Variants in DSG3 observed in about 807,000 individuals in gnomAD.
DSG3 encodes the protein desmoglein-3.
In DSG3, 63 loss-of-function variants were observed where a neutral mutation model predicts 85.9. The ratio of observed to expected loss-of-function variants is 0.73; its 90% confidence interval spans 0.60 to 0.90. The LOEUF (loss-of-function observed/expected upper bound fraction) is 0.90. Among genes scored for constraint, DSG3 ranks in the 40% least tolerant of loss-of-function variants. The probability of loss-of-function intolerance (pLI) is 0.00; values close to 1 mark genes in which losing one functional copy is unlikely to be tolerated. For missense variants in DSG3, 1,220 were observed against 1,219.9 expected (o/e 1.00, Z 0.00); for synonymous variants, 447 against 441.9 (o/e 1.01, Z -0.14).
intron 8 of DSG3, 56 bp from the exon 9 acceptor site, chr18:31,464,055 G>C (rs770304381): frequency 2.6e-6 from 4 of 1,521,494 alleles, no homozygotes; most frequent in Non-Finnish European, 3.6e-6. Flanking sequence ...ATCATCTACT[G>C]GGTTTGCGGG....
At chr18:31,459,812 T>C (rs777378955) in intron 5 of DSG3, 33 bp from the exon 6 acceptor site, 15 of 1,565,048 alleles carry the variant, frequency 9.6e-6, no homozygotes, top group Non-Finnish European at 1.3e-5. Context: ...AATTGTTACA[T>C]ATTCTTTAAT....
At chr18:31,460,100 T>A in intron 6 of DSG3, 89 bp downstream of exon 6, 1 of 1,399,176 alleles carries the variant, frequency 7.1e-7, no homozygotes, top group Non-Finnish European at 9.6e-7. Flanking sequence ...ACCCGAAAAT[T>A]AAAAAAGAAA....
At position 31,478,079 on chromosome 18, in the gene DSG3, G is replaced by C. The variant is rs1044393088; in HGVS notation, c.*1819G>C. ...GTCAGGTGCTAGAGCAGCTGGAGAAGTGCAGGCAGCCTGTGCTTCCACAGA... is the reference window on the plus strand; with the variant it reads ...GTCAGGTGCTAGAGCAGCTGGAGAACTGCAGGCAGCCTGTGCTTCCACAGA... On this transcript the variant is annotated 3_prime_UTR_variant, in exon 16 of 16. Coordinates refer to ENST00000257189, the MANE Select transcript of DSG3 (RefSeq NM_001944.3). The C allele has an allele frequency of 1.3e-5, 2 of 152,168 alleles. No homozygotes were observed. Among genetic ancestry groups the C allele is most frequent in the Admixed American group, 1.3e-4 (2 of 15,262 alleles). The allele number at this position is 152,168 out of a possible 1,614,324, so 9.4% of individuals were successfully genotyped here.
rs781367783 is a variant in DSG3 at position 31,457,006 on chromosome 18, A to G, written c.98A>G (p.Tyr33Cys). Residue 33 changes from tyrosine (Y) to cysteine (C), a missense_variant, in exon 3 of 16, where the codon TAT (tyrosine) becomes TGT (cysteine). By Grantham distance (194) the Tyr-to-Cys change is radical. Coordinates refer to ENST00000257189, the MANE Select transcript of DSG3 (RefSeq NM_001944.3). Reference protein sequence around the residue: ...GELRIETKGQYDEEEMTMQQA... With the variant: ...GELRIETKGQCDEEEMTMQQA... ...TTTTTACATAAGACTAAAGGTCAAT[A>G]TGATGAAGAAGAGATGACTATGCAA... 8.7e-6 allele frequency: 14 copies of G among 1,608,930 alleles called. No homozygotes were observed. Among genetic ancestry groups the G allele is most frequent in the African/African-American group, 2.7e-5 (2 of 74,574 alleles).
intron 3 of DSG3, 24 bp from the exon 4 acceptor site, chr18:31,458,421 C>T (rs375280433): frequency 2.5e-6 from 4 of 1,608,944 alleles, no homozygotes; most frequent in Non-Finnish European, 2.5e-6. Context: ...GTCACCTCAA[C>T]GTTTTTGGTA....
At chr18:31,474,026 G>T (rs2072870945) in intron 14 of DSG3, 95 bp from the exon 15 acceptor site, 2 of 1,199,608 alleles carry the variant, frequency 1.7e-6, no homozygotes, top group Admixed American at 4.5e-5. Context: ...TTACTTGTTT[G>T]CATGGTGACT....
At chr18:31,474,695 C>T (rs745604787) in intron 15 of DSG3, among the ~76,000 whole-genome samples, 19 of 152,098 alleles carry the variant, frequency 1.2e-4, no homozygotes, top group Non-Finnish European at 2.4e-4. Context: ...GTAGAAGCTG[C>T]AGTGAGCTAT....
chr18:31,473,057 T>C (rs1471767693), intron 14 of DSG3, among the ~76,000 whole-genome samples: 1 of 152,224 alleles, frequency 6.6e-6, no homozygotes, highest in Non-Finnish European at 1.5e-5. Flanking sequence ...TAGTGACGTG[T>C]AGTTCTCAGG....
At chr18:31,473,998 A>C in intron 14 of DSG3, 123 bp from the exon 15 acceptor site, 1 of 880,316 alleles carries the variant, frequency 1.1e-6, no homozygotes, top group Non-Finnish European at 1.7e-6. Context: ...CTAGTCATAT[A>C]ATTGTATTTT....
chr18:31,457,545 TTCTC>T (rs149979781), intron 3 of DSG3, among the ~76,000 whole-genome samples: 13 of 132,472 alleles, frequency 9.8e-5, no homozygotes, highest in Admixed American at 1.6e-4. Context: ...CTTTCTTTCT[TTCTC>T]TTTCTTTCTT....
chr18:31,476,548 T>G lies in DSG3; in HGVS notation c.*288T>G. The G allele has an allele frequency of 6.8e-6, 2 of 294,812 alleles. No individual in the cohort carries two copies. The highest frequency in any genetic ancestry group is 1.2e-5 in the Non-Finnish European group (2 of 160,218). 18.3% of individuals were successfully genotyped at this position (294,812 alleles called of 1,614,324 possible). On this transcript the variant is annotated 3_prime_UTR_variant, in exon 16 of 16. Coordinates refer to ENST00000257189, the MANE Select transcript of DSG3 (RefSeq NM_001944.3). ...TTCCTAAACATTCTTAAGCTTCTAT[T>G]TTTCCCCTGCCAAAGGAAGGTGTTT... is the stretch of plus-strand genomic sequence containing the variant.
Position 31,476,063 on chromosome 18 carries a change from G to T in DSG3, c.2803G>T (p.Glu935Ter). Residue 935 changes from glutamate (E) to a stop codon, truncating the protein, a stop_gained, in exon 16 of 16, where the codon GAG becomes TAG. Coordinates refer to ENST00000257189, the MANE Select transcript of DSG3 (RefSeq NM_001944.3). LOFTEE classifies it low-confidence loss of function (END_TRUNC). Reference protein sequence around the residue: ...PLQHGNYLVTETYSASGSLVQ... With the variant: ...PLQHGNYLVT Reference sequence around the variant, plus strand: ...GCAGCATGGTAACTATTTAGTAACGGAGACTTACTCGGCTTCTGGTTCCCT... The same window carrying T: ...GCAGCATGGTAACTATTTAGTAACGTAGACTTACTCGGCTTCTGGTTCCCT... 6.2e-7 allele frequency: 1 copy of T among 1,614,194 alleles called. No individual in the cohort carries two copies. The highest frequency in any genetic ancestry group is 1.1e-5 in the South Asian group (1 of 91,082).
In DSG3 at chr18:31,466,621, A is replaced by C; in HGVS notation, c.1503A>C (p.Ala501=). Residue 501 remains alanine (A), a synonymous_variant, in exon 11 of 16, where the codon GCA becomes GCC. Coordinates refer to ENST00000257189, the MANE Select transcript of DSG3 (RefSeq NM_001944.3). ...CAACAGCTGTCCTCGAAAAAGATGC[A>C]GTTTGCAGTTCTTCACCTTCCGTGG... is the stretch of plus-strand genomic sequence containing the variant. ...NCPTAVLEKD[A]VCSSSPSVVV... 6.2e-7 allele frequency: 1 copy of C among 1,614,218 alleles called. No homozygotes were observed. Among genetic ancestry groups the C allele is most frequent in the Non-Finnish European group, 8.5e-7 (1 of 1,180,040 alleles).
chr18:31,461,562 C>A, intron 8 of DSG3, 150 bp downstream of exon 8: 2 of 744,996 alleles, frequency 2.7e-6, no homozygotes, highest in Non-Finnish European at 2.1e-6. Context: ...CCCATAGAGC[C>A]GCTTTACCTG....
intron 9 of DSG3, 138 bp from the exon 10 acceptor site, chr18:31,465,180 G>T: frequency 1.7e-6 from 1 of 576,888 alleles, no homozygotes. Context: ...TTAATTTTCT[G>T]TTGCTTTTTA....
chr18:31,448,303 T>C (rs2072690777), intron 1 of DSG3, among the ~76,000 whole-genome samples: 1 of 152,238 alleles, frequency 6.6e-6, no homozygotes, highest in Non-Finnish European at 1.5e-5. Context: ...CAAGATTACA[T>C]GTCTCTTAGC....
chr18:31,464,963 C>T (rs1207492368), intron 9 of DSG3, among the ~76,000 whole-genome samples: 1 of 151,218 alleles, frequency 6.6e-6, no homozygotes, highest in East Asian at 1.9e-4. Context: ...ATGAAGAAAC[C>T]CCATCTCTAC....
intron 3 of DSG3, 38 bp downstream of exon 3, chr18:31,457,162 T>C: frequency 6.3e-7 from 1 of 1,587,208 alleles, no homozygotes; most frequent in Non-Finnish European, 8.5e-7. Context: ...GTTTTTAGAA[T>C]AAATGTATAA....
Position 31,447,848 on chromosome 18 carries a change from T to G in DSG3, c.-30T>G. 6 of 1,579,200 alleles carry G rather than the reference T, an allele frequency of 3.8e-6. No homozygotes were observed. Among genetic ancestry groups the G allele is most frequent in the Non-Finnish European group, 4.3e-6 (5 of 1,165,220 alleles). ...GGCAGGATAGAAGCAGCGGCTCACT[T>G]GGACTTTTTCACCAGGGAAATCAGA... On this transcript the variant is annotated 5_prime_UTR_variant, in exon 1 of 16. Coordinates refer to ENST00000257189, the MANE Select transcript of DSG3 (RefSeq NM_001944.3).
Sources: allele counts gnomAD v4.1 joint callset (sites outside exome capture counted in the v4.1 genomes callset), GRCh38; gene constraint gnomAD v4.1.1; transcripts MANE v1.5; gene names NCBI Gene and HGNC (gene_info 2026-07-23, HGNC 2026-07-21).